Variants in AHI1 observed in about 807,000 individuals in gnomAD.
The protein encoded by AHI1 is jouberin.
In AHI1, 123 loss-of-function variants were observed where a neutral mutation model predicts 149.3. The ratio of observed to expected loss-of-function variants is 0.82; its 90% confidence interval spans 0.71 to 0.96. The LOEUF is 0.96. AHI1 is among the 40% of genes least tolerant of loss of function. The probability of loss-of-function intolerance (pLI) is 0.00; values close to 1 mark genes in which losing one functional copy is unlikely to be tolerated. For missense variants in AHI1, 1,439 were observed against 1,422.7 expected, an observed-to-expected ratio of 1.01 and a Z score of -0.18; for synonymous variants, 475 against 459.8, an observed-to-expected ratio of 1.03 and a Z score of -0.42.
At chr6:135,451,358 C>T (rs1254632069) in intron 11 of AHI1, among the ~76,000 whole-genome samples, 1 of 152,058 alleles carries the variant, frequency 6.6e-6, no homozygotes, top group Non-Finnish European at 1.5e-5. Flanking sequence ...GATTAATTCC[C>T]TCAATATATA....
intron 26 of AHI1, among the ~76,000 whole-genome samples, chr6:135,312,427 T>C (rs1785336783): frequency 6.6e-6 from 1 of 152,078 alleles, no homozygotes; most frequent in African/African-American, 2.4e-5. Context: ...GGCATGAGAA[T>C]TGCTTGAACT....
intron 24 of AHI1, among the ~76,000 whole-genome samples, chr6:135,331,452 C>T (rs569478651): frequency 6.6e-6 from 1 of 152,218 alleles, no homozygotes; most frequent in African/African-American, 2.4e-5. Context: ...CTGGAAACAC[C>T]ATTTCTTGAT....
chr6:135,435,686 A>C (rs1310517816), intron 15 of AHI1, among the ~76,000 whole-genome samples: 1 of 152,236 alleles, frequency 6.6e-6, no homozygotes, highest in Admixed American at 6.5e-5. Flanking sequence ...TTAAAAAATT[A>C]AGGCATTATG....
intron 24 of AHI1, among the ~76,000 whole-genome samples, chr6:135,350,659 G>T (rs1253304843): frequency 6.6e-6 from 1 of 152,140 alleles, no homozygotes; most frequent in Non-Finnish European, 1.5e-5. Flanking sequence ...GTGAAGGAAG[G>T]TCTTTTGAAA....
chr6:135,390,863 T>G (rs777737357), intron 23 of AHI1, among the ~76,000 whole-genome samples: 23 of 152,214 alleles, frequency 1.5e-4, no homozygotes, highest in Non-Finnish European at 2.4e-4. Context: ...CAAATGCAAG[T>G]TGCTGTTATT....
intron 5 of AHI1, among the ~76,000 whole-genome samples, chr6:135,469,636 A>ACAGAAATAAGATCT (rs1791376936): frequency 6.6e-6 from 1 of 152,164 alleles, no homozygotes; most frequent in Non-Finnish European, 1.5e-5. Flanking sequence ...GACCAATGGA[A>ACAGAAATAAGATCT]CAGAAATAAG....
At chr6:135,340,356 G>C (rs1423971308) in intron 24 of AHI1, among the ~76,000 whole-genome samples, 2 of 151,256 alleles carry the variant, frequency 1.3e-5, no homozygotes, top group Non-Finnish European at 2.9e-5. Flanking sequence ...GGGCGACAGA[G>C]CGAGACTCTG....
intron 26 of AHI1, among the ~76,000 whole-genome samples, chr6:135,315,888 CT>C (rs1785873209): frequency 6.6e-6 from 1 of 152,130 alleles, no homozygotes; most frequent in Non-Finnish European, 1.5e-5. Context: ...ATCTGCATCC[CT>C]ATCCACACTT....
At chr6:135,436,229 C>T (rs1785380659) in intron 15 of AHI1, among the ~76,000 whole-genome samples, 1 of 151,912 alleles carries the variant, frequency 6.6e-6, no homozygotes, top group Non-Finnish European at 1.5e-5. Flanking sequence ...TATAGACGAT[C>T]GGCAGAGGAA....
At chr6:135,388,849 T>C (rs1344933386) in intron 23 of AHI1, among the ~76,000 whole-genome samples, 1 of 150,988 alleles carries the variant, frequency 6.6e-6, no homozygotes, top group Non-Finnish European at 1.5e-5. Flanking sequence ...CCGTCTCTAC[T>C]AAAAATACAA....
chr6:135,397,676 A>C lies in AHI1; in HGVS notation c.2989-2780T>G, dbSNP rs1421100402. 3.3e-5 allele frequency among the ~76,000 whole-genome samples: 5 copies of C among 152,074 alleles called. No individual in the cohort carries two copies. In the East Asian group the frequency reaches 9.6e-4, roughly 29 times the overall value. ...ACTTGCTGCTCTGAACATGAAATTG[A>C]ATGCACAATATTAAGCAAGCTGACA... On this transcript the variant is annotated intron_variant, in intron 22 of 28. Coordinates refer to ENST00000265602, the MANE Select transcript of AHI1 (RefSeq NM_001134831.2).
Position 135,380,940 on chromosome 6 carries a change from A to G in AHI1, c.3109+13836T>C, listed in dbSNP as rs369727806. On this transcript the variant is annotated intron_variant, in intron 23 of 28. Transcript: ENST00000265602. ...TTGAACATAAGCATGATGATTTAGA[A>G]AAAGATTTTCATATCCAAAGCAAAG... Among the ~76,000 whole-genome samples the G allele has an allele frequency of 5.3e-5, 8 of 152,236 alleles. No homozygotes were observed. The East Asian group carries it at 1.5e-3, about 29-fold the overall frequency.
At chr6:135,297,474 C>T (rs1783253954) in intron 27 of AHI1, 1 of 456,120 alleles carries the variant, frequency 2.2e-6, no homozygotes, top group Non-Finnish European at 4.4e-6. Flanking sequence ...TTCCTCCTGC[C>T]TTCTCATTCA....
intron 22 of AHI1, among the ~76,000 whole-genome samples, chr6:135,400,265 A>C (rs1195278968): frequency 1.3e-5 from 2 of 152,212 alleles, no homozygotes; most frequent in African/African-American, 2.4e-5. Flanking sequence ...CAGAAAAATT[A>C]AAAAAATATT....
intron 5 of AHI1, among the ~76,000 whole-genome samples, chr6:135,479,451 T>G (rs1793248084): frequency 6.6e-6 from 1 of 152,336 alleles, no homozygotes; most frequent in African/African-American, 2.4e-5. Context: ...GCTTTAAAAT[T>G]TAATGACTGC....
At chr6:135,436,909 G>A (rs1019057349) in intron 15 of AHI1, among the ~76,000 whole-genome samples, 3 of 152,098 alleles carry the variant, frequency 2.0e-5, no homozygotes, top group Admixed American at 1.3e-4. Flanking sequence ...GCCCATTTGA[G>A]CATATTTCTA....
At chr6:135,301,379 A>G (rs1270546022) in intron 26 of AHI1, 1 of 981,828 alleles carries the variant, frequency 1.0e-6, no homozygotes, top group Non-Finnish European at 1.2e-6. Flanking sequence ...ACATAAAAAC[A>G]AAATGAAATG....
intron 8 of AHI1, among the ~76,000 whole-genome samples, chr6:135,459,069 T>G (rs1789452824): frequency 6.6e-6 from 1 of 152,138 alleles, no homozygotes. Flanking sequence ...GACACTGCAC[T>G]CAACATTAGA....
intron 7 of AHI1, among the ~76,000 whole-genome samples, chr6:135,465,052 G>A (rs1182926901): frequency 6.6e-5 from 10 of 151,990 alleles, no homozygotes; most frequent in African/African-American, 1.2e-4. Flanking sequence ...TATTACCACC[G>A]GTCACCTAGC....
Sources: gnomAD v4.1 joint callset for allele counts (sites outside exome capture counted in the v4.1 genomes callset) on GRCh38, gnomAD v4.1.1 for gene constraint, MANE v1.5 for transcripts, NCBI Gene and HGNC (gene_info 2026-07-23, HGNC 2026-07-21) for gene names.